The following ADRA1B variants were observed in gnomAD, a reference collection of about 807,000 sequenced individuals.
The protein encoded by ADRA1B is adrenoceptor alpha 1B, also known as alpha-1B adrenergic receptor.
ADRA1B carries 17 observed loss-of-function variants against 17.9 expected under a neutral mutation model. The ratio of observed to expected loss-of-function variants is 0.95; its 90% CI spans 0.65 to 1.42. ADRA1B has a LOEUF of 1.42. Ranked by LOEUF, ADRA1B falls within the 40% of genes most tolerant of loss-of-function variation. The probability of loss-of-function intolerance (pLI) is 0.00; values close to 1 mark genes in which losing one functional copy is unlikely to be tolerated. For missense variants in ADRA1B, 681 were observed against 722.1 expected (o/e 0.94, Z 0.65); for synonymous variants, 366 against 327.6 (o/e 1.12, Z -1.27).
chr5:159,964,897 T>A (rs1000921064), intron 1 of ADRA1B, among the ~76,000 whole-genome samples: 1 of 152,110 alleles, frequency 6.6e-6, no homozygotes, highest in Non-Finnish European at 1.5e-5. Context: ...ACTTATTGAG[T>A]GCTTTCAATG....
At chr5:159,987,613 T>C in the ADRA1B span, among the ~76,000 whole-genome samples, 2 of 152,258 alleles carry the variant, frequency 1.3e-5, no homozygotes, top group African/African-American at 4.8e-5. Flanking sequence ...GCAATTCAGC[T>C]GGTGCGGCCC....
intron 1 of ADRA1B, among the ~76,000 whole-genome samples, chr5:159,971,011 C>A (rs756963130): frequency 6.6e-6 from 1 of 152,084 alleles, no homozygotes; most frequent in Non-Finnish European, 1.5e-5. Flanking sequence ...TGTACTGCCC[C>A]GGCTGGTCTC....
chr5:159,879,269 C>T (rs768921191), intron 1 of ADRA1B, among the ~76,000 whole-genome samples: 4 of 152,096 alleles, frequency 2.6e-5, no homozygotes, highest in Admixed American at 6.5e-5. Flanking sequence ...CAGTGACTGA[C>T]GATGGACCAG....
chr5:159,893,144 T>G (rs1215006206), intron 1 of ADRA1B, among the ~76,000 whole-genome samples: 1 of 152,218 alleles, frequency 6.6e-6, no homozygotes, highest in Non-Finnish European at 1.5e-5. Context: ...TGTCATGGTT[T>G]CCTGGAACTT....
At chr5:159,947,352 GA>G (rs1484427386) in intron 1 of ADRA1B, among the ~76,000 whole-genome samples, 2 of 151,522 alleles carry the variant, frequency 1.3e-5, no homozygotes, top group African/African-American at 4.9e-5. Context: ...AAAAAAAAAA[GA>G]AAAGAAAAGA....
intron 1 of ADRA1B, among the ~76,000 whole-genome samples, chr5:159,963,141 A>C (rs1755708512): frequency 6.6e-6 from 1 of 150,710 alleles, no homozygotes; most frequent in Non-Finnish European, 1.5e-5. Flanking sequence ...ACATTTTGGA[A>C]AACACCAAAA....
At chr5:159,918,718 G>T (rs1466647099) in intron 1 of ADRA1B, among the ~76,000 whole-genome samples, 2 of 152,162 alleles carry the variant, frequency 1.3e-5, no homozygotes, top group African/African-American at 4.8e-5. Flanking sequence ...TTGTTCAAAA[G>T]GCTACCTGAT....
At position 159,903,692 on chromosome 5, in the gene ADRA1B, G is replaced by T. The variant is rs1007786183; in HGVS notation, c.-255-12427G>T. Among the ~76,000 whole-genome samples, 5 of 152,250 alleles carry T rather than the reference G, an allele frequency of 3.3e-5. 1 individual carries two copies. The highest frequency in any genetic ancestry group is 4.1e-4 in the South Asian group (2 of 4,822). ...CTCAGCTCCATTCACACCCAGACAG[G>T]CTCTCTTACTGTGGCTGCATAGCAA... On this transcript the variant is annotated intron_variant, in intron 1 of 2. Transcript: ENST00000641205.
intron 1 of ADRA1B, among the ~76,000 whole-genome samples, chr5:159,877,884 T>C (rs1168299054): frequency 6.6e-6 from 1 of 152,132 alleles, no homozygotes; most frequent in Non-Finnish European, 1.5e-5. Flanking sequence ...GTCTAGGAAG[T>C]GATGTTTTGA....
chr5:159,911,825 T>A (rs532957947), upstream of ADRA1B, among the ~76,000 whole-genome samples: 1 of 151,970 alleles, frequency 6.6e-6, no homozygotes, highest in African/African-American at 2.4e-5. Context: ...CTTCTTCGAG[T>A]CCCCACAGAC....
chr5:159,934,477 G>C (rs1754898792), intron 1 of ADRA1B, among the ~76,000 whole-genome samples: 1 of 151,892 alleles, frequency 6.6e-6, no homozygotes, highest in Non-Finnish European at 1.5e-5. Context: ...AGCTCTTCAA[G>C]ACTCCTGCTT....
chr5:159,897,656 A>T (rs1754053725), intron 1 of ADRA1B, among the ~76,000 whole-genome samples: 4 of 152,094 alleles, frequency 2.6e-5, no homozygotes. Context: ...CCTCCCACAG[A>T]GTTGTCCTGT....
intron 1 of ADRA1B, among the ~76,000 whole-genome samples, chr5:159,966,964 A>G (rs1755787193): frequency 6.6e-6 from 1 of 152,224 alleles, no homozygotes; most frequent in Non-Finnish European, 1.5e-5. Context: ...AGCACCACGT[A>G]CTTTGACAAG....
chr5:159,908,594 A>G (rs1730484091), intron 1 of ADRA1B, among the ~76,000 whole-genome samples: 1 of 152,158 alleles, frequency 6.6e-6, no homozygotes, highest in Admixed American at 6.5e-5. Flanking sequence ...CCAGAAGCAG[A>G]TGCCTGTACC....
chr5:159,970,856 G>A (rs1207584034), intron 1 of ADRA1B, among the ~76,000 whole-genome samples: 1 of 152,224 alleles, frequency 6.6e-6, no homozygotes, highest in Non-Finnish European at 1.5e-5. Context: ...CCAGGCTGGA[G>A]TGCAGTGCCA....
intron 1 of ADRA1B, chr5:159,948,575 C>A (rs1336777985): frequency 1.7e-6 from 1 of 595,038 alleles, no homozygotes; most frequent in Non-Finnish European, 2.1e-6. Context: ...AAAAGCCACC[C>A]CTTAAACATA....
intron 1 of ADRA1B, among the ~76,000 whole-genome samples, chr5:159,954,433 C>T (rs1755514202): frequency 6.6e-6 from 1 of 152,134 alleles, no homozygotes; most frequent in African/African-American, 2.4e-5. Context: ...ACCCTCGTGA[C>T]CTAATTACCT....
chr5:159,905,167 A>T (rs1754148181), intron 1 of ADRA1B, among the ~76,000 whole-genome samples: 1 of 152,190 alleles, frequency 6.6e-6, no homozygotes, highest in Non-Finnish European at 1.5e-5. Flanking sequence ...GCAACAGGAG[A>T]CCATTGGGAT....
At chr5:159,974,669 T>G (rs1399404567), downstream of ADRA1B, among the ~76,000 whole-genome samples, 3 of 151,780 alleles carry the variant, frequency 2.0e-5, no homozygotes, top group Non-Finnish European at 2.9e-5. Flanking sequence ...AAGCCAGAGA[T>G]TCTGTATAAC....
Sources: gnomAD v4.1 joint callset for allele counts (sites outside exome capture counted in the v4.1 genomes callset) on GRCh38, gnomAD v4.1.1 for gene constraint, MANE v1.5 for transcripts, NCBI Gene and HGNC (gene_info 2026-07-23, HGNC 2026-07-21) for gene names.